Variants in NCKAP5 observed in about 807,000 individuals in gnomAD.
NCKAP5 encodes NCK associated protein 5, also known as nck-associated protein 5.
In NCKAP5, 92 loss-of-function variants were observed where a neutral mutation model predicts 167.0. The observed-to-expected ratio is 0.55, with a 90% CI of 0.47 to 0.66. The LOEUF (loss-of-function observed/expected upper bound fraction) is 0.66, where lower values mean the gene tolerates loss of function less well. Among genes scored for constraint, NCKAP5 ranks in the 30% least tolerant of loss-of-function variants. The pLI is 0.00. For synonymous variants in NCKAP5, 891 were observed against 877.4 expected (o/e 1.02, Z -0.27); for missense variants, 2,378 against 2,315.0 (o/e 1.03, Z -0.56).
At chr2:133,347,948 A>G (rs1396108595) in intron 3 of NCKAP5, among the ~76,000 whole-genome samples, 1 of 152,252 alleles carries the variant, frequency 6.6e-6, no homozygotes, top group Non-Finnish European at 1.5e-5. Flanking sequence ...TTCTTGAACC[A>G]AAGTGACAAA....
chr2:132,713,719 A>T (rs1453238503), intron 19 of NCKAP5, among the ~76,000 whole-genome samples: 1 of 152,200 alleles, frequency 6.6e-6, no homozygotes, highest in Admixed American at 6.5e-5. Flanking sequence ...CAAACAAAAA[A>T]AAAAAGAGCT....
chr2:133,633,518 C>T, the NCKAP5 span, among the ~76,000 whole-genome samples: 1 of 152,178 alleles, frequency 6.6e-6, no homozygotes, highest in African/African-American at 2.4e-5. Context: ...ATGCAGCATC[C>T]TGAAGTCAGG....
intron 6 of NCKAP5, among the ~76,000 whole-genome samples, chr2:133,041,717 C>T (rs1283879062): frequency 1.3e-5 from 2 of 152,052 alleles, no homozygotes; most frequent in Non-Finnish European, 2.9e-5. Flanking sequence ...AGGAAAGAAT[C>T]ATCTTGATTA....
At chr2:133,378,305 GA>G (rs923184243) in intron 3 of NCKAP5, among the ~76,000 whole-genome samples, 18 of 151,784 alleles carry the variant, frequency 1.2e-4, no homozygotes, top group African/African-American at 4.3e-4. Flanking sequence ...TCCATGGAAT[GA>G]AAAAAAACTT....
At chr2:133,137,270 G>A (rs750642480) in intron 5 of NCKAP5, among the ~76,000 whole-genome samples, 2 of 152,068 alleles carry the variant, frequency 1.3e-5, no homozygotes, top group Non-Finnish European at 2.9e-5. Context: ...CGTACTCTTG[G>A]CTGTAACAGA....
At chr2:133,526,037 T>C (rs1160763433) in intron 2 of NCKAP5, among the ~76,000 whole-genome samples, 1 of 152,054 alleles carries the variant, frequency 6.6e-6, no homozygotes, top group Non-Finnish European at 1.5e-5. Context: ...GTATAATCAC[T>C]CAAAAGAGTT....
chr2:133,266,633 G>C (rs2089241673), intron 4 of NCKAP5, among the ~76,000 whole-genome samples: 2 of 152,190 alleles, frequency 1.3e-5, no homozygotes, highest in African/African-American at 2.4e-5. Context: ...AGAGCCGGGA[G>C]TTGCCAAACT....
At chr2:133,389,024 G>T (rs1455078210) in intron 3 of NCKAP5, among the ~76,000 whole-genome samples, 2 of 152,152 alleles carry the variant, frequency 1.3e-5, no homozygotes, top group Admixed American at 1.3e-4. Flanking sequence ...CTCACTCTTG[G>T]TGCACTGCAC....
intron 3 of NCKAP5, among the ~76,000 whole-genome samples, chr2:133,459,816 G>T (rs1692091258): frequency 6.6e-6 from 1 of 152,150 alleles, no homozygotes; most frequent in African/African-American, 2.4e-5. Context: ...TCCTGTTCAG[G>T]CGTGGGAAGC....
intron 3 of NCKAP5, among the ~76,000 whole-genome samples, chr2:133,465,222 T>C (rs1255167130): frequency 1.4e-5 from 2 of 140,258 alleles, no homozygotes; most frequent in Admixed American, 7.9e-5. Flanking sequence ...TGTGATCTCA[T>C]TGTTCAATTC....
At chr2:132,977,306 T>C (rs2077006208) in intron 7 of NCKAP5, among the ~76,000 whole-genome samples, 1 of 152,222 alleles carries the variant, frequency 6.6e-6, no homozygotes, top group Non-Finnish European at 1.5e-5. Flanking sequence ...AAACATTTTT[T>C]AAACAAGTAT....
At chr2:133,241,663 A>G (rs1426091895) in intron 4 of NCKAP5, among the ~76,000 whole-genome samples, 1 of 152,076 alleles carries the variant, frequency 6.6e-6, no homozygotes, top group African/African-American at 2.4e-5. Context: ...ACTCTGCCAC[A>G]TAACTCTTCC....
intron 8 of NCKAP5, among the ~76,000 whole-genome samples, chr2:132,903,212 A>G (rs1031919110): frequency 1.3e-5 from 2 of 152,146 alleles, no homozygotes; most frequent in African/African-American, 4.8e-5. Context: ...AAATTAACTA[A>G]CATTAATTTA....
chr2:133,377,669 C>T (rs1430285552), intron 3 of NCKAP5, among the ~76,000 whole-genome samples: 2 of 152,154 alleles, frequency 1.3e-5, no homozygotes, highest in Non-Finnish European at 2.9e-5. Context: ...CCTAATTTGC[C>T]TGGAAATAAT....
intron 10 of NCKAP5, among the ~76,000 whole-genome samples, chr2:132,867,868 C>G (rs1041733633): frequency 6.6e-6 from 1 of 152,168 alleles, no homozygotes; most frequent in African/African-American, 2.4e-5. Context: ...CTAATTCTAA[C>G]TCTACGTAAG....
At chr2:133,066,948 A>G (rs1272875679) in intron 6 of NCKAP5, among the ~76,000 whole-genome samples, 2 of 152,260 alleles carry the variant, frequency 1.3e-5, no homozygotes, top group Non-Finnish European at 2.9e-5. Flanking sequence ...CAGTTATAAC[A>G]TTCAAGTGGT....
chr2:132,691,891 AAG>A (rs1686777250), intron 19 of NCKAP5, among the ~76,000 whole-genome samples: 1 of 152,170 alleles, frequency 6.6e-6, no homozygotes, highest in Admixed American at 6.5e-5. Flanking sequence ...ATTAGTCTGT[AAG>A]AGAGAGCACT....
chr2:133,268,682 C>T (rs2089364289), intron 4 of NCKAP5, among the ~76,000 whole-genome samples: 1 of 152,012 alleles, frequency 6.6e-6, no homozygotes, highest in Non-Finnish European at 1.5e-5. Flanking sequence ...CGGGGTTTCA[C>T]CGTGGTCTCG....
At chr2:133,307,894 T>TC (rs1239586519) in intron 3 of NCKAP5, among the ~76,000 whole-genome samples, 1 of 151,094 alleles carries the variant, frequency 6.6e-6, no homozygotes, top group African/African-American at 2.4e-5. Flanking sequence ...AGGAGGTTCA[T>TC]CCCCCCAAAA....
Sources: allele counts gnomAD v4.1 joint callset (sites outside exome capture counted in the v4.1 genomes callset), GRCh38; gene constraint gnomAD v4.1.1; transcripts MANE v1.5; gene names NCBI Gene and HGNC (gene_info 2026-07-23, HGNC 2026-07-21).